Variants in DPP10 observed in about 807,000 individuals in gnomAD.
DPP10 encodes inactive dipeptidyl peptidase 10.
A neutral mutation model predicts 120.9 loss-of-function variants in DPP10; 33 were observed. That is an observed-to-expected ratio of 0.27 (90% CI 0.21 to 0.37). The LOEUF (loss-of-function observed/expected upper bound fraction) is 0.37. Among genes scored for constraint, DPP10 ranks in the 10% least tolerant of loss-of-function variants. The probability of loss-of-function intolerance (pLI) is 1.00; values close to 1 mark genes in which losing one functional copy is unlikely to be tolerated. For synonymous variants in DPP10, 337 were observed against 326.1 expected (o/e 1.03, Z -0.36); for missense variants, 816 against 942.8 (o/e 0.87, Z 1.76).
At chr2:114,547,212 C>T (rs1172795055) in intron 1 of DPP10, among the ~76,000 whole-genome samples, 3 of 152,192 alleles carry the variant, frequency 2.0e-5, no homozygotes, top group South Asian at 2.1e-4. Flanking sequence ...CCCAATGGGA[C>T]GCTGGAGCAA....
chr2:115,225,586 A>G (rs1156746852), intron 1 of DPP10, among the ~76,000 whole-genome samples: 2 of 151,868 alleles, frequency 1.3e-5, no homozygotes, highest in Non-Finnish European at 2.9e-5. Context: ...AGATTTGCCA[A>G]TCATCTATGG....
chr2:115,381,766 T>C (rs1473183570), intron 3 of DPP10, among the ~76,000 whole-genome samples: 5 of 152,064 alleles, frequency 3.3e-5, no homozygotes, highest in Admixed American at 6.6e-5. Context: ...AGTTTTCCTT[T>C]TAACAGACAC....
intron 3 of DPP10, among the ~76,000 whole-genome samples, chr2:115,465,973 A>T (rs532153582): frequency 9.9e-5 from 15 of 152,182 alleles, no homozygotes; most frequent in Non-Finnish European, 2.2e-4. Flanking sequence ...TTTAAAAATG[A>T]TAATTACCCA....
rs1292051244 is a variant in DPP10 at position 114,513,540 on chromosome 2, A to AAG, written c.60+70703_60+70704insGA. ...CTACCTCAAAAAAAAAAAAAAAAAA[A>AAG]AAAGAAACTAGAGCTTTACGAGACC... is the stretch of plus-strand genomic sequence containing the variant. On this transcript the variant is annotated intron_variant, in intron 1 of 25. Transcript: ENST00000410059. Among the ~76,000 whole-genome samples, 72 of 150,924 alleles carry AAG rather than the reference A, an allele frequency of 4.8e-4. 1 individual carries two copies. Among genetic ancestry groups the AAG allele is most frequent in the African/African-American group, 1.7e-3 (72 of 41,340 alleles).
Position 115,777,337 on chromosome 2 carries a change from G to A in DPP10, c.1313+38G>A, listed in dbSNP as rs149687568. ...AGTTCTCTAGTCAGGCTGCAAGTTA[G>A]CGTTGTCAAATGCCATCTTTTCTAA... On this transcript the variant is annotated intron_variant, in intron 14 of 25. Transcript: ENST00000410059. The A allele has an allele frequency of 3.6e-3, 5,600 of 1,563,240 alleles. 35 individuals are homozygous for A. The highest frequency in any genetic ancestry group is 4.3e-3 in the South Asian group (384 of 89,656).
intron 5 of DPP10, among the ~76,000 whole-genome samples, chr2:115,533,069 T>C (rs1297049015): frequency 6.6e-6 from 1 of 152,088 alleles, no homozygotes; most frequent in African/African-American, 2.4e-5. Flanking sequence ...TATAGTTTTC[T>C]TGTTTGGATT....
At chr2:114,554,159 C>T (rs775074963) in intron 1 of DPP10, among the ~76,000 whole-genome samples, 1 of 152,204 alleles carries the variant, frequency 6.6e-6, no homozygotes, top group Non-Finnish European at 1.5e-5. Flanking sequence ...TTTCTTTTCT[C>T]TCCATCCCAT....
At chr2:114,449,438 T>C (rs1309473371) in intron 1 of DPP10, among the ~76,000 whole-genome samples, 1 of 151,996 alleles carries the variant, frequency 6.6e-6, no homozygotes, top group Non-Finnish European at 1.5e-5. Context: ...GCTTATTTCT[T>C]GGAAATTCTT....
At chr2:115,737,513 G>A (rs1676702698) in intron 8 of DPP10, among the ~76,000 whole-genome samples, 1 of 152,102 alleles carries the variant, frequency 6.6e-6, no homozygotes, top group African/African-American at 2.4e-5. Flanking sequence ...TCCTATGATT[G>A]TCATATGGAG....
chr2:115,119,826 CT>C (rs1458898547), intron 1 of DPP10, among the ~76,000 whole-genome samples: 2 of 152,146 alleles, frequency 1.3e-5, no homozygotes, highest in African/African-American at 4.8e-5. Context: ...GGTTATTGTG[CT>C]TAGAAGACAT....
intron 1 of DPP10, among the ~76,000 whole-genome samples, chr2:114,772,434 C>G (rs1303617979): frequency 6.6e-6 from 1 of 152,006 alleles, no homozygotes; most frequent in Non-Finnish European, 1.5e-5. Flanking sequence ...GCTGGGATTA[C>G]AGGTGTGAGC....
chr2:115,065,412 A>C (rs1706753831), intron 1 of DPP10: 1 of 152,228 alleles, frequency 6.6e-6, no homozygotes, highest in South Asian at 2.1e-4. Context: ...CCTTGCTTAC[A>C]ATCATTAACT....
rs983781960 is a variant in DPP10 at position 115,642,342 on chromosome 2, A to C, written c.442-47345A>C. ...CATTCAAATCAGTGGACTTTGAATA[A>C]AGAAGATTACCCTCCCACAAGGTGG... is the stretch of plus-strand genomic sequence containing the variant. On this transcript the variant is annotated intron_variant, in intron 5 of 25. Transcript: ENST00000410059. Among the ~76,000 whole-genome samples the C allele has an allele frequency of 2.6e-5, 4 of 152,176 alleles. No homozygotes were observed. In the East Asian group the frequency reaches 7.7e-4, roughly 29 times the overall value.
rs1450584289 is a variant in DPP10 at position 115,378,011 on chromosome 2, G to T, written c.271+34099G>T. Among the ~76,000 whole-genome samples, 3 of 151,866 alleles carry T rather than the reference G, an allele frequency of 2.0e-5. No individual in the cohort carries two copies. The East Asian group carries it at 5.8e-4, about 29-fold the overall frequency. On this transcript the variant is annotated intron_variant, in intron 3 of 25. Transcript: ENST00000410059. ...TGATGCCTCCAGCTTTGTTCTTTTGGCTTAGGATTGACTTGGCGATGCGGG... is the reference window on the plus strand; with the variant it reads ...TGATGCCTCCAGCTTTGTTCTTTTGTCTTAGGATTGACTTGGCGATGCGGG...
chr2:114,878,327 T>C (rs1691320611), intron 1 of DPP10, among the ~76,000 whole-genome samples: 9 of 152,108 alleles, frequency 5.9e-5, no homozygotes, highest in Admixed American at 5.9e-4. Context: ...CTGTACATAG[T>C]TATGGGGCAC....
chr2:114,731,569 A>G (rs1009093047), intron 1 of DPP10, among the ~76,000 whole-genome samples: 1 of 152,116 alleles, frequency 6.6e-6, no homozygotes, highest in Non-Finnish European at 1.5e-5. Context: ...CTCACAGGAA[A>G]CTTACTTACA....
chr2:115,007,491 G>C (rs1470197563), intron 1 of DPP10, among the ~76,000 whole-genome samples: 1 of 151,700 alleles, frequency 6.6e-6, no homozygotes, highest in Non-Finnish European at 1.5e-5. Flanking sequence ...GCAAAAACTG[G>C]AAGCATTCCC....
intron 24 of DPP10, among the ~76,000 whole-genome samples, chr2:115,837,799 A>G (rs62157983): frequency 0.079 from 12,073 of 151,944 alleles, 657 homozygotes; most frequent in Non-Finnish European, 0.12. Flanking sequence ...GGAAAATTCT[A>G]TCAGATATCC....
chr2:114,504,622 A>T (rs1263434197), intron 1 of DPP10, among the ~76,000 whole-genome samples: 2 of 152,092 alleles, frequency 1.3e-5, no homozygotes. Flanking sequence ...AGTAGCTTGC[A>T]TTCATTGAGA....
Sources: allele counts gnomAD v4.1 joint callset (sites outside exome capture counted in the v4.1 genomes callset), GRCh38; gene constraint gnomAD v4.1.1; transcripts MANE v1.5; gene names NCBI Gene and HGNC (gene_info 2026-07-23, HGNC 2026-07-21).